The following MAP2K5 variants were observed in gnomAD, a reference collection of about 807,000 sequenced individuals.
MAP2K5 encodes dual specificity mitogen-activated protein kinase kinase 5.
A neutral mutation model predicts 83.1 loss-of-function variants in MAP2K5; 49 were observed. The ratio of observed to expected loss-of-function variants is 0.59; its 90% CI spans 0.47 to 0.75. The LOEUF is 0.75. Among genes scored for constraint, MAP2K5 ranks in the 30% least tolerant of loss-of-function variants. The probability of loss-of-function intolerance (pLI) is 0.00; values close to 1 mark genes in which losing one functional copy is unlikely to be tolerated. For synonymous variants in MAP2K5, 202 were observed against 191.8 expected, an observed-to-expected ratio of 1.05 and a Z score of -0.44; for missense variants, 457 against 557.5, an observed-to-expected ratio of 0.82 and a Z score of 1.82.
intron 1 of MAP2K5, among the ~76,000 whole-genome samples, chr15:67,547,455 C>CTTTTTTTT (rs398057779): frequency 3.0e-4 from 39 of 128,730 alleles, no homozygotes; most frequent in Middle Eastern, 3.5e-3. Flanking sequence ...TTTCTTTTTT[C>CTTTTTTTT]TTTTTTTTTT....
intron 13 of MAP2K5, among the ~76,000 whole-genome samples, chr15:67,683,490 G>A (rs1356688641): frequency 6.6e-6 from 1 of 152,008 alleles, no homozygotes; most frequent in African/African-American, 2.4e-5. Flanking sequence ...GGCGGGGTGT[G>A]GTGGCTCATG....
chr15:67,703,277 T>C (rs767900558), intron 15 of MAP2K5, 60 bp from the exon 16 acceptor site: 1 of 1,230,036 alleles, frequency 8.1e-7, no homozygotes, highest in Non-Finnish European at 1.2e-6. Flanking sequence ...CTTATTTTGG[T>C]GTATGTGTTT....
At chr15:67,721,490 A>G (rs1048851817) in intron 16 of MAP2K5, among the ~76,000 whole-genome samples, 6 of 152,352 alleles carry the variant, frequency 3.9e-5, no homozygotes, top group East Asian at 1.9e-4. Flanking sequence ...CACTTTTCGT[A>G]TAGGCATAAT....
At chr15:67,727,301 C>T (rs2089119244) in intron 16 of MAP2K5, among the ~76,000 whole-genome samples, 1 of 152,188 alleles carries the variant, frequency 6.6e-6, no homozygotes, top group South Asian at 2.1e-4. Flanking sequence ...AAGTGACTGG[C>T]TCAGAAACAG....
In MAP2K5 at chr15:67,754,493, T is replaced by G. The variant is rs192464889; in HGVS notation, c.1134+5892T>G. On this transcript the variant is annotated intron_variant, in intron 19 of 21. Transcript: ENST00000178640. ...CTGTGATCTCTGCCAGGTGCCGAGA[T>G]AAATCCCTGTGCTGGATGACTTCAT... 2.1e-4 allele frequency among the ~76,000 whole-genome samples: 32 copies of G among 152,346 alleles called. No individual in the cohort carries two copies. The East Asian group carries it at 5.4e-3, about 26-fold the overall frequency.
chr15:67,787,627 C>T (rs1202654028), intron 21 of MAP2K5, among the ~76,000 whole-genome samples: 1 of 152,136 alleles, frequency 6.6e-6, no homozygotes, highest in Non-Finnish European at 1.5e-5. Flanking sequence ...ATAAATTAAT[C>T]TTAGATTAAA....
chr15:67,784,797 G>A (rs1231234006), intron 21 of MAP2K5, among the ~76,000 whole-genome samples: 2 of 152,176 alleles, frequency 1.3e-5, no homozygotes, highest in Non-Finnish European at 2.9e-5. Flanking sequence ...GCCATCATGG[G>A]TATAGAAATG....
intron 2 of MAP2K5, among the ~76,000 whole-genome samples, chr15:67,553,253 C>T (rs1345588444): frequency 6.6e-6 from 1 of 152,162 alleles, no homozygotes; most frequent in Non-Finnish European, 1.5e-5. Flanking sequence ...GGTTCAAACA[C>T]ACATCTTTTT....
intron 8 of MAP2K5, chr15:67,628,863 G>A (rs540431813): frequency 4.4e-5 from 33 of 748,868 alleles, no homozygotes; most frequent in Non-Finnish European, 6.6e-5. Context: ...GATGGCAGCC[G>A]TGGTGATGGT....
Position 67,543,217 on chromosome 15 carries a change from C to G in MAP2K5, c.-119C>G. 9.9e-7 allele frequency: 1 copy of G among 1,013,718 alleles called. No homozygotes were observed. Among genetic ancestry groups the G allele is most frequent in the Non-Finnish European group, 1.5e-6 (1 of 658,716 alleles). 62.8% of individuals were successfully genotyped at this position (1,013,718 alleles called of 1,614,324 possible). A position where few individuals can be genotyped will look rare whatever the true frequency, so the allele number is the denominator to read the frequency against. On this transcript the variant is annotated 5_prime_UTR_variant, in exon 1 of 22. Transcript: ENST00000178640. The surrounding 1 kb of genome is among the most constrained non-coding windows in gnomAD (Gnocchi z 4.3). ...TCTTCCCTCCCCCTCATCCTCCATT[C>G]CCTTGTTTTCACCCTCTGTCCTCTG... is the stretch of plus-strand genomic sequence containing the variant.
intron 9 of MAP2K5, 117 bp downstream of exon 9, chr15:67,631,044 A>T (rs1185825778): frequency 1.4e-6 from 1 of 737,810 alleles, no homozygotes; most frequent in East Asian, 2.7e-5. Flanking sequence ...TTTAGATGGT[A>T]GGTAGGGGAA....
At position 67,760,496 on chromosome 15, in the gene MAP2K5, T is replaced by C. The variant is rs945605816; in HGVS notation, c.1135-9106T>C. 4.6e-5 allele frequency among the ~76,000 whole-genome samples: 7 copies of C among 152,350 alleles called. No homozygotes were observed. Among genetic ancestry groups the C allele is most frequent in the African/African-American group, 1.7e-4 (7 of 41,584 alleles). ...AGTGGCACTGAGTGAATTCAGCCAA[T>C]AGACCTTATCCATTTCTTCTTTTTT... On this transcript the variant is annotated intron_variant, in intron 19 of 21. Coordinates refer to ENST00000178640, the MANE Select transcript of MAP2K5 (RefSeq NM_145160.3). The surrounding 1 kb of genome is among the most constrained non-coding windows in gnomAD (Gnocchi z 4.1).
chr15:67,574,292 C>T (rs946986370), intron 3 of MAP2K5, among the ~76,000 whole-genome samples: 1 of 152,198 alleles, frequency 6.6e-6, no homozygotes, highest in Non-Finnish European at 1.5e-5. Context: ...ATTTAGTAGG[C>T]TGGGCATAGT....
intron 1 of MAP2K5, among the ~76,000 whole-genome samples, chr15:67,545,533 A>G (rs1409384816): frequency 6.6e-6 from 1 of 152,204 alleles, no homozygotes; most frequent in Non-Finnish European, 1.5e-5. Context: ...AGACTTGGAA[A>G]GATTATGTGA....
chr15:67,563,162 A>AC lies in MAP2K5; in HGVS notation c.185-116dup, dbSNP rs2084772461. The AC allele has an allele frequency of 3.8e-6, 4 of 1,049,614 alleles. No homozygotes were observed. Among genetic ancestry groups the AC allele is most frequent in the Non-Finnish European group, 5.2e-6 (4 of 764,460 alleles). 65.0% of individuals were successfully genotyped at this position (1,049,614 alleles called of 1,614,324 possible). A position where few individuals can be genotyped will look rare whatever the true frequency, so the allele number is the denominator to read the frequency against. ...AACAACAAACTAATAATGTCAACAT[A>AC]CCCCCAAAATGTGGTGTTGAGGGTT... On this transcript the variant is annotated intron_variant, in intron 2 of 21. Transcript: ENST00000178640. This position sits in a 1 kb window ranked among gnomAD's most constrained non-coding sequence, Gnocchi z 4.5.
intron 11 of MAP2K5, among the ~76,000 whole-genome samples, chr15:67,650,902 C>T (rs1198895598): frequency 6.6e-6 from 1 of 152,092 alleles, no homozygotes; most frequent in Non-Finnish European, 1.5e-5. Context: ...ATGAAGGATT[C>T]ATGTTAATTC....
chr15:67,567,540 A>G (rs1180308131), intron 3 of MAP2K5, among the ~76,000 whole-genome samples: 2 of 150,228 alleles, frequency 1.3e-5, no homozygotes, highest in South Asian at 2.1e-4. Context: ...AATTTTTTGT[A>G]TTTTTAGTAG....
Position 67,725,016 on chromosome 15 carries a change from C to A in MAP2K5, c.1045-2900C>A, listed in dbSNP as rs942506792. 2.0e-5 allele frequency among the ~76,000 whole-genome samples: 3 copies of A among 152,326 alleles called. No individual in the cohort carries two copies. The South Asian group carries it at 6.2e-4, about 32-fold the overall frequency. ...GTCTTACAAGCAGTCCTCCCAGGAA[C>A]ATAGTTAAAAGGTAGGACTGAGGTT... is the stretch of plus-strand genomic sequence containing the variant. On this transcript the variant is annotated intron_variant, in intron 16 of 21. Transcript: ENST00000178640.
In MAP2K5 at chr15:67,724,892, A is replaced by G. The variant is rs1397148196; in HGVS notation, c.1045-3024A>G. 6.6e-6 allele frequency among the ~76,000 whole-genome samples: 1 copy of G among 152,248 alleles called. No homozygotes were observed. The highest frequency in any genetic ancestry group is 2.4e-5 in the African/African-American group (1 of 41,468). ...AGTGGTGACACTCTGTAAGAGAGGA[A>G]GTGATTGTCATCATGCTGCAATTGC... is the stretch of plus-strand genomic sequence containing the variant. On this transcript the variant is annotated intron_variant, in intron 16 of 21. Transcript: ENST00000178640. This position sits in a 1 kb window ranked among gnomAD's most constrained non-coding sequence, Gnocchi z 4.4.
Sources: allele counts gnomAD v4.1 joint callset (sites outside exome capture counted in the v4.1 genomes callset), GRCh38; gene constraint gnomAD v4.1.1; non-coding constraint Gnocchi (gnomAD v3.1); transcripts MANE v1.5; gene names NCBI Gene and HGNC (gene_info 2026-07-23, HGNC 2026-07-21).